The following ZNF280C variants were observed in gnomAD, a reference collection of about 807,000 sequenced individuals.
ZNF280C encodes the protein zinc finger protein 280C, also known as suppressor of hairy wing homolog 3.
Under a neutral mutation model 53.6 loss-of-function variants are expected in ZNF280C, and 14 were observed. The ratio of observed to expected loss-of-function variants is 0.26; its 90% CI spans 0.17 to 0.41. The LOEUF is 0.41. Ranked by LOEUF, ZNF280C falls within the 10% of genes least tolerant of loss-of-function variation. The pLI is 1.00. For synonymous variants in ZNF280C, 203 were observed against 181.1 expected, an observed-to-expected ratio of 1.12 and a Z score of -0.97; for missense variants, 416 against 547.1, an observed-to-expected ratio of 0.76 and a Z score of 2.39.
chrX:130,217,394 G>A (rs918227293), intron 13 of ZNF280C, among the ~76,000 whole-genome samples: 2 of 112,190 alleles, frequency 1.8e-5, no homozygotes, highest in Non-Finnish European at 3.8e-5. Flanking sequence ...TCCAGAATAG[G>A]AAAATCCATA....
chrX:130,237,450 G>A (rs1405876722), intron 6 of ZNF280C, among the ~76,000 whole-genome samples: 2 of 111,564 alleles, frequency 1.8e-5, no homozygotes, highest in South Asian at 7.3e-4. Context: ...TTCTGAGTTT[G>A]AGAGCCACCA....
intron 5 of ZNF280C, 129 bp downstream of exon 5, chrX:130,243,434 T>C: frequency 1.4e-6 from 1 of 739,032 alleles, no homozygotes; most frequent in Non-Finnish European, 2.0e-6. Context: ...TCTGCCTGCC[T>C]TGGCCTCCCA....
chrX:130,205,021 TA>T, intron 18 of ZNF280C, 29 bp from the exon 19 acceptor site: 2 of 999,425 alleles, frequency 2.0e-6, no homozygotes, highest in Non-Finnish European at 2.6e-6. Flanking sequence ...AAAACTTTAA[TA>T]TTTTTCATTT....
At chrX:130,206,949 C>A (rs2124695370) in intron 16 of ZNF280C, among the ~76,000 whole-genome samples, 1 of 112,028 alleles carries the variant, frequency 8.9e-6, no homozygotes, top group South Asian at 3.8e-4. Context: ...ATTGCCTGAT[C>A]TAAATCTTAT....
chrX:130,248,157 G>C (rs1246764272), intron 2 of ZNF280C, among the ~76,000 whole-genome samples: 2 of 97,543 alleles, frequency 2.1e-5, no homozygotes, highest in Admixed American at 2.3e-4. Flanking sequence ...CTGCCACCGA[G>C]GGACTGGGAC....
chrX:130,255,633 C>T (rs1392179364), intron 2 of ZNF280C, among the ~76,000 whole-genome samples: 3 of 111,873 alleles, frequency 2.7e-5, no homozygotes, highest in Non-Finnish European at 3.8e-5. Flanking sequence ...ACTACACTAG[C>T]GGGACATATG....
At chrX:130,234,329 A>G (rs1569436068) in intron 8 of ZNF280C, among the ~76,000 whole-genome samples, 1 of 111,620 alleles carries the variant, frequency 9.0e-6, no homozygotes, top group Non-Finnish European at 1.9e-5. Flanking sequence ...TGCACCCACA[A>G]TGAATCGTAA....
intron 8 of ZNF280C, among the ~76,000 whole-genome samples, chrX:130,235,483 C>T (rs1482520136): frequency 1.8e-5 from 2 of 111,636 alleles, no homozygotes; most frequent in African/African-American, 6.5e-5. Flanking sequence ...CACTGTACTC[C>T]GGCCTGGGTG....
intron 12 of ZNF280C, among the ~76,000 whole-genome samples, chrX:130,221,652 T>C (rs757956534): frequency 8.1e-5 from 9 of 111,204 alleles, no homozygotes; most frequent in African/African-American, 2.6e-4. Flanking sequence ...ACATCCCACA[T>C]TCAACAAATT....
At chrX:130,236,025 T>C (rs956225228) in intron 8 of ZNF280C, among the ~76,000 whole-genome samples, 189 bp downstream of exon 8, 2 of 112,205 alleles carry the variant, frequency 1.8e-5, no homozygotes, top group Non-Finnish European at 3.8e-5. Flanking sequence ...AATTTCATCA[T>C]TGGAAAGGAT....
At chrX:130,267,525 T>C (rs745773832) in intron 1 of ZNF280C, among the ~76,000 whole-genome samples, 3 of 111,644 alleles carry the variant, frequency 2.7e-5, no homozygotes, top group African/African-American at 3.3e-5. Context: ...TTCCTCATCT[T>C]CAAACAGTTC....
chrX:130,267,814 A>T lies in ZNF280C; in HGVS notation c.-17+948T>A, dbSNP rs1264694312. Among the ~76,000 whole-genome samples, 2 of 112,041 alleles carry T rather than the reference A, an allele frequency of 1.8e-5. 1 individual carries two copies. Among genetic ancestry groups the T allele is most frequent in the Non-Finnish European group, 3.8e-5 (2 of 53,275 alleles). On this transcript the variant is annotated intron_variant, in intron 1 of 18. Coordinates refer to ENST00000370978, the MANE Select transcript of ZNF280C (RefSeq NM_017666.5). ...AGGTTTCTATTTTATGTTTAGGGGC[A>T]CTAAAAGACATTACAACTCATAGTC... is the stretch of plus-strand genomic sequence containing the variant.
In ZNF280C at chrX:130,241,156, C is replaced by T. The variant is rs143244636; in HGVS notation, c.382-1463G>A. Among the ~76,000 whole-genome samples, 855 of 111,654 alleles carry T rather than the reference C, an allele frequency of 7.7e-3. 8 individuals carry two copies. Among genetic ancestry groups the T allele is most frequent in the African/African-American group, 0.027 (825 of 30,751 alleles). On this transcript the variant is annotated intron_variant, in intron 5 of 18. Coordinates refer to ENST00000370978, the MANE Select transcript of ZNF280C (RefSeq NM_017666.5). ...ATCTTTAAAAGAGATAATAATAATACTCACTTTAAAAGAGATAATAATAAT... is the reference window on the plus strand; with the variant it reads ...ATCTTTAAAAGAGATAATAATAATATTCACTTTAAAAGAGATAATAATAAT...
intron 2 of ZNF280C, among the ~76,000 whole-genome samples, chrX:130,251,296 A>AAAAAAAAAAAAAAAC (rs1445825670): frequency 9.8e-6 from 1 of 101,699 alleles, no homozygotes; most frequent in African/African-American, 3.6e-5. Flanking sequence ...AAAAAAAAAA[A>AAAAAAAAAAAAAAAC]AAAAAAAAAA....
At chrX:130,210,045 G>A (rs1472045701) in intron 15 of ZNF280C, among the ~76,000 whole-genome samples, 2 of 111,380 alleles carry the variant, frequency 1.8e-5, no homozygotes, top group African/African-American at 6.5e-5. Context: ...ATGTGAGGAC[G>A]CAGTGAGAAG....
At chrX:130,248,822 T>G (rs1288219413) in intron 2 of ZNF280C, among the ~76,000 whole-genome samples, 1 of 112,448 alleles carries the variant, frequency 8.9e-6, no homozygotes, top group African/African-American at 3.2e-5. Flanking sequence ...CAGCTTACCC[T>G]GGGTCCATGG....
At chrX:130,247,123 G>T in intron 2 of ZNF280C, 118 bp from the exon 3 acceptor site, 1 of 772,247 alleles carries the variant, frequency 1.3e-6, no homozygotes, top group Non-Finnish European at 1.8e-6. Flanking sequence ...TTACTGACTT[G>T]ATATTTGTTT....
At chrX:130,228,429 G>A (rs1407480819) in intron 10 of ZNF280C, among the ~76,000 whole-genome samples, 7 of 108,538 alleles carry the variant, frequency 6.4e-5, no homozygotes, top group South Asian at 4.0e-4. Flanking sequence ...GATTACAGGC[G>A]TGCGCCACCT....
chrX:130,205,134 A>G lies in ZNF280C; in HGVS notation c.2181T>C (p.Thr727=). Residue 727 remains threonine (T), a synonymous_variant, in exon 18 of 19, where the codon ACT becomes ACC. Coordinates refer to ENST00000370978, the MANE Select transcript of ZNF280C (RefSeq NM_017666.5). ...IIENVSKSTS[T]SEPTTGCSLK ...AAACTTACCCAGTAGTGGGTTCAGA[A>G]GTTGAGGTACTTTTGGAAACTGAAA... 8.3e-7 allele frequency: 1 copy of G among 1,204,261 alleles called. No individual in the cohort carries two copies. Among genetic ancestry groups the G allele is most frequent in the Non-Finnish European group, 1.1e-6 (1 of 892,272 alleles).
Sources: gnomAD v4.1 joint callset for allele counts (sites outside exome capture counted in the v4.1 genomes callset) on GRCh38, gnomAD v4.1.1 for gene constraint, MANE v1.5 for transcripts, NCBI Gene and HGNC (gene_info 2026-07-23, HGNC 2026-07-21) for gene names.